Variants in TM7SF3 observed in about 807,000 individuals in gnomAD.
The protein encoded by TM7SF3 is seven span transmembrane protein.
In TM7SF3, 60 loss-of-function variants were observed where a neutral mutation model predicts 65.5. The ratio of observed to expected loss-of-function variants is 0.92; its 90% confidence interval spans 0.74 to 1.14. TM7SF3 has a LOEUF of 1.14. Among genes scored for constraint, TM7SF3 ranks in the 50% most tolerant of loss-of-function variants. The pLI is 0.00. For synonymous variants in TM7SF3, 264 were observed against 259.6 expected (o/e 1.02, Z -0.16); for missense variants, 623 against 684.8 (o/e 0.91, Z 1.01).
chr12:26,991,200 C>A (rs979008683), intron 5 of TM7SF3, among the ~76,000 whole-genome samples: 1 of 138,574 alleles, frequency 7.2e-6, no homozygotes, highest in Non-Finnish European at 1.5e-5. Context: ...GGCCGGACTG[C>A]GGACTGCAGT....
At chr12:26,990,676 C>T in intron 5 of TM7SF3, 49 bp from the exon 6 acceptor site, 3 of 1,485,262 alleles carry the variant, frequency 2.0e-6, no homozygotes, top group Non-Finnish European at 2.8e-6. Context: ...TTTTTTTAAG[C>T]TATTCTGTGA....
chr12:26,983,243 G>T (rs1939895148), intron 6 of TM7SF3, among the ~76,000 whole-genome samples: 1 of 147,274 alleles, frequency 6.8e-6, no homozygotes, highest in Admixed American at 6.8e-5. Context: ...GGGGGAGGTG[G>T]TGGGGGTGGG....
At chr12:26,983,339 C>T (rs148566838) in intron 6 of TM7SF3, among the ~76,000 whole-genome samples, 13 of 152,210 alleles carry the variant, frequency 8.5e-5, no homozygotes, top group African/African-American at 3.1e-4. Flanking sequence ...CTGATTCAAA[C>T]AAACTGTGGA....
intron 3 of TM7SF3, among the ~76,000 whole-genome samples, chr12:26,998,832 G>A (rs1385871343): frequency 6.6e-6 from 1 of 152,040 alleles, no homozygotes; most frequent in Non-Finnish European, 1.5e-5. Flanking sequence ...AACCTACCTC[G>A]AAATAAAGTA....
chr12:26,982,890 A>G, intron 6 of TM7SF3, 31 bp from the exon 7 acceptor site: 2 of 1,451,404 alleles, frequency 1.4e-6, no homozygotes, highest in African/African-American at 1.4e-5. Context: ...AGTGGATAAT[A>G]CATCCAATTT....
Position 26,990,493 on chromosome 12 carries a change from G to T in TM7SF3, c.825C>A (p.Tyr275Ter). Reference protein sequence around the residue: ...TSAAYIPAHTYACSFEAGEGS... With the variant: ...TSAAYIPAHT ...CCTCTCCTGCCTCAAAGCTGCAAGC[G>T]TATGTGTGAGCAGGAATGTAGGCAG... is the stretch of plus-strand genomic sequence containing the variant. Residue 275 changes from tyrosine (Y) to a stop codon, truncating the protein, a stop_gained, in exon 6 of 12, where the codon TAC becomes TAA. Transcript: ENST00000343028. LOFTEE classifies it high-confidence loss of function. The T allele has an allele frequency of 6.2e-7, 1 of 1,614,010 alleles. No individual in the cohort carries two copies. Among genetic ancestry groups the T allele is most frequent in the Non-Finnish European group, 8.5e-7 (1 of 1,179,880 alleles).
At chr12:27,001,865 G>A (rs1206706372) in intron 2 of TM7SF3, among the ~76,000 whole-genome samples, 2 of 152,164 alleles carry the variant, frequency 1.3e-5, no homozygotes, top group Admixed American at 1.3e-4. Flanking sequence ...CCTTTCTAAG[G>A]AAGTTATGAA....
chr12:27,003,443 C>A, intron 1 of TM7SF3, 53 bp from the exon 2 acceptor site: 1 of 1,490,486 alleles, frequency 6.7e-7, no homozygotes, highest in Non-Finnish European at 9.1e-7. Flanking sequence ...TATCAATTTG[C>A]AGAAATCATA....
chr12:26,974,555 G>C (rs1053760424), intron 11 of TM7SF3, among the ~76,000 whole-genome samples: 1 of 152,180 alleles, frequency 6.6e-6, no homozygotes, highest in African/African-American at 2.4e-5. Context: ...GGGGTTCGGG[G>C]AGGAAGGCAG....
intron 8 of TM7SF3, 93 bp from the exon 9 acceptor site, chr12:26,980,029 A>G: frequency 6.8e-7 from 1 of 1,465,516 alleles, no homozygotes; most frequent in East Asian, 2.3e-5. Context: ...TGCCAGCTTC[A>G]GCTTTCTGTA....
At position 26,983,320 on chromosome 12, in the gene TM7SF3, A is replaced by T. The variant is rs561838400; in HGVS notation, c.869-461T>A. Among the ~76,000 whole-genome samples the T allele has an allele frequency of 2.1e-3, 321 of 152,330 alleles. 1 individual carries two copies. Among genetic ancestry groups the T allele is most frequent in the African/African-American group, 7.4e-3 (308 of 41,580 alleles). On this transcript the variant is annotated intron_variant, in intron 6 of 11. Coordinates refer to ENST00000343028, the MANE Select transcript of TM7SF3 (RefSeq NM_016551.3). ...CAACTAAATACTGTGTATAGATCTC[A>T]TCTGCAACCTGATTCAAACAAACTG...
chr12:27,007,130 T>C (rs1231572102), intron 1 of TM7SF3, among the ~76,000 whole-genome samples: 4 of 152,236 alleles, frequency 2.6e-5, no homozygotes, highest in Non-Finnish European at 4.4e-5. Context: ...CAAAAATTAA[T>C]CTGCAGTCTT....
chr12:26,979,987 C>T (rs747270296), intron 8 of TM7SF3, 51 bp from the exon 9 acceptor site: 17 of 1,608,564 alleles, frequency 1.1e-5, no homozygotes, highest in Middle Eastern at 1.7e-4. Flanking sequence ...TACTTCCAAC[C>T]GCGTGCCTTA....
intron 2 of TM7SF3, among the ~76,000 whole-genome samples, chr12:27,001,107 CA>C (rs552156521): frequency 1.3e-5 from 2 of 151,086 alleles, no homozygotes; most frequent in Non-Finnish European, 3.0e-5. Flanking sequence ...CATCACGACT[CA>C]AAAAAAACAA....
intron 1 of TM7SF3, among the ~76,000 whole-genome samples, chr12:27,009,948 T>C (rs966031296): frequency 2.0e-5 from 3 of 152,194 alleles, no homozygotes; most frequent in Non-Finnish European, 4.4e-5. Context: ...TTTCAGAAGA[T>C]TGCTTTAACC....
intron 1 of TM7SF3, among the ~76,000 whole-genome samples, chr12:27,004,954 A>G (rs1458595810): frequency 6.6e-6 from 1 of 152,200 alleles, no homozygotes; most frequent in Non-Finnish European, 1.5e-5. Flanking sequence ...TGGCCAATAG[A>G]ATCTGGGTAG....
chr12:27,006,954 G>GT (rs1941062802), intron 1 of TM7SF3, among the ~76,000 whole-genome samples: 1 of 152,164 alleles, frequency 6.6e-6, no homozygotes, highest in African/African-American at 2.4e-5. Flanking sequence ...TCCAGAAAGC[G>GT]TATGTGTCAG....
chr12:26,977,878 G>T, intron 9 of TM7SF3: 1 of 278,740 alleles, frequency 3.6e-6, no homozygotes, highest in Non-Finnish European at 7.2e-6. Flanking sequence ...CGAGGTGGGA[G>T]GACTGCCTGA....
At chr12:27,008,934 T>C (rs1365755580) in intron 1 of TM7SF3, among the ~76,000 whole-genome samples, 1 of 152,176 alleles carries the variant, frequency 6.6e-6, no homozygotes, top group African/African-American at 2.4e-5. Context: ...CAGTGATGGA[T>C]ACACTAAAAG....
Sources: allele counts gnomAD v4.1 joint callset (sites outside exome capture counted in the v4.1 genomes callset), GRCh38; gene constraint gnomAD v4.1.1; transcripts MANE v1.5; gene names NCBI Gene and HGNC (gene_info 2026-07-23, HGNC 2026-07-21).